NT5C1B: variants seen among roughly 807,000 people sequenced by gnomAD.
The protein encoded by NT5C1B is 5'-nucleotidase, cytosolic IB, also known as cytosolic 5'-nucleotidase 1B.
Under a neutral mutation model 57.8 loss-of-function variants are expected in NT5C1B, and 44 were observed. That is an observed-to-expected ratio of 0.76 (90% CI 0.60 to 0.98). The LOEUF (loss-of-function observed/expected upper bound fraction) is 0.98. Among genes scored for constraint, NT5C1B ranks in the 50% least tolerant of loss-of-function variants. NT5C1B has a pLI of 0.00. For missense variants in NT5C1B, 742 were observed against 719.5 expected, an observed-to-expected ratio of 1.03 and a Z score of -0.36; for synonymous variants, 284 against 282.6, an observed-to-expected ratio of 1.00 and a Z score of -0.05.
intron 5 of NT5C1B, among the ~76,000 whole-genome samples, 169 bp from the exon 6 acceptor site, chr2:18,583,166 CCT>C (rs1002332068): frequency 1.3e-5 from 2 of 152,136 alleles, no homozygotes; most frequent in African/African-American, 4.8e-5. Context: ...GTATTATCAA[CCT>C]CTCATTCATA....
chr2:18,578,384 A>G (rs1043691584), intron 6 of NT5C1B, among the ~76,000 whole-genome samples: 2 of 151,998 alleles, frequency 1.3e-5, no homozygotes, highest in African/African-American at 4.8e-5. Flanking sequence ...ATACTACCAA[A>G]CCCAATCCAG....
At chr2:18,583,102 A>G (rs1335657624) in intron 5 of NT5C1B, 105 bp from the exon 6 acceptor site, 2 of 1,417,228 alleles carry the variant, frequency 1.4e-6, no homozygotes, top group Non-Finnish European at 1.9e-6. Context: ...GCTCTGAAGA[A>G]TCTTCACTGA....
At chr2:18,563,016 G>A (rs1664307655) in exon 9 of NT5C1B, 2 of 151,090 alleles carry the variant, frequency 1.3e-5, no homozygotes, top group South Asian at 4.2e-4. Context: ...TGACAATGAA[G>A]GGCCAGGATA....
At chr2:18,579,501 C>T (rs1175465857) in intron 6 of NT5C1B, among the ~76,000 whole-genome samples, 2 of 152,200 alleles carry the variant, frequency 1.3e-5, no homozygotes, top group East Asian at 3.8e-4. Context: ...CTACAACCAT[C>T]TGATCTTCAA....
chr2:18,571,718 G>GTGTGTGTGTATATATATA (rs1246189018), intron 8 of NT5C1B, among the ~76,000 whole-genome samples: 2 of 111,444 alleles, frequency 1.8e-5, no homozygotes, highest in African/African-American at 6.4e-5. Flanking sequence ...CTGTGTGTGT[G>GTGTGTGTGTATATATATA]TATATATATA....
intron 8 of NT5C1B, among the ~76,000 whole-genome samples, chr2:18,575,904 C>G (rs2148126337): frequency 6.6e-6 from 1 of 152,204 alleles, no homozygotes; most frequent in East Asian, 1.9e-4. Context: ...CTGTTACTCC[C>G]AATTGGGAGA....
chr2:18,580,485 C>T (rs1458589172), intron 6 of NT5C1B, among the ~76,000 whole-genome samples: 1 of 152,076 alleles, frequency 6.6e-6, no homozygotes, highest in Non-Finnish European at 1.5e-5. Flanking sequence ...CGTGGTGGCA[C>T]ATGCCTGTAA....
At chr2:18,568,810 G>A (rs982665435) in intron 8 of NT5C1B, among the ~76,000 whole-genome samples, 11 of 152,082 alleles carry the variant, frequency 7.2e-5, no homozygotes, top group African/African-American at 2.4e-4. Context: ...TCCTACCTTT[G>A]CTTCAAGCTG....
At position 18,584,913 on chromosome 2, in the gene NT5C1B, C is replaced by T. The variant is rs1006716444; in HGVS notation, c.324G>A (p.Pro108=). ...GCGAGGGCTGCCCGGACAGCGGCGG[C>T]GGTGAGGAGTCATGCAGGCTTGGGG... The change falls in exon 4 of 9, where the codon CCG becomes CCA. Residue 108 remains proline (P), a synonymous_variant. Coordinates refer to ENST00000304081, the Ensembl canonical transcript of NT5C1B. The surrounding 1 kb of genome is among the most constrained non-coding windows in gnomAD (Gnocchi z 5.8). 1.3e-6 allele frequency: 2 copies of T among 1,550,124 alleles called. No individual in the cohort carries two copies. Among genetic ancestry groups the T allele is most frequent in the African/African-American group, 2.7e-5 (2 of 73,826 alleles).
At chr2:18,578,953 CA>C (rs761460434) in intron 6 of NT5C1B, among the ~76,000 whole-genome samples, 1 of 152,078 alleles carries the variant, frequency 6.6e-6, no homozygotes, top group African/African-American at 2.4e-5. Context: ...TTTCAGGATA[CA>C]AAATTAATAT....
intron 1 of NT5C1B, among the ~76,000 whole-genome samples, chr2:18,587,816 TGTTG>T (rs1666858370): frequency 6.6e-6 from 1 of 152,200 alleles, no homozygotes; most frequent in African/African-American, 2.4e-5. Context: ...TATAGAAATT[TGTTG>T]GTTCATAGAT....
intron 8 of NT5C1B, among the ~76,000 whole-genome samples, chr2:18,568,236 C>T (rs1343760177): frequency 1.3e-5 from 2 of 152,086 alleles, no homozygotes; most frequent in Admixed American, 1.3e-4. Context: ...TAACATTTGT[C>T]ATCAAAATCT....
chr2:18,582,093 T>G (rs1024321953), intron 6 of NT5C1B, among the ~76,000 whole-genome samples: 4 of 152,358 alleles, frequency 2.6e-5, no homozygotes, highest in Non-Finnish European at 5.9e-5. Context: ...CTATGTTAAA[T>G]TTTTATGTTC....
At chr2:18,579,818 G>A (rs534283144) in intron 6 of NT5C1B, among the ~76,000 whole-genome samples, 4 of 152,212 alleles carry the variant, frequency 2.6e-5, no homozygotes, top group Non-Finnish European at 5.9e-5. Context: ...CTTCTGCATA[G>A]CAAAAGAAAC....
chr2:18,573,988 A>G (rs955923051), intron 8 of NT5C1B, among the ~76,000 whole-genome samples: 2 of 152,198 alleles, frequency 1.3e-5, no homozygotes, highest in Non-Finnish European at 2.9e-5. Flanking sequence ...ACATAAAACT[A>G]GAAAGTTTCT....
exon 8 of NT5C1B, chr2:18,576,360 A>G: frequency 6.2e-7 from 1 of 1,612,306 alleles, no homozygotes; most frequent in Non-Finnish European, 8.5e-7. Flanking sequence ...ATTGTCGCAG[A>G]GGCAATACCT....
In NT5C1B at chr2:18,584,803, C is replaced by A; in HGVS notation, c.434G>T (p.Arg145Leu). 2 of 1,613,148 alleles carry A rather than the reference C, an allele frequency of 1.2e-6. No individual in the cohort carries two copies. The highest frequency in any genetic ancestry group is 1.7e-6 in the Non-Finnish European group (2 of 1,179,726). Residue 145 changes from arginine (R) to leucine (L), a missense_variant, in exon 4 of 9, where the codon CGC becomes CTC. By Grantham distance (102) the Arg-to-Leu change is moderately radical. Transcript: ENST00000304081. This position sits in a 1 kb window ranked among gnomAD's most constrained non-coding sequence, Gnocchi z 5.8. ...CGGATTCTCTTGCATTTTGGTGCTGCGCCGGGAGCCAGGATCGGGCTCTGG... is the reference window on the plus strand; with the variant it reads ...CGGATTCTCTTGCATTTTGGTGCTGAGCCGGGAGCCAGGATCGGGCTCTGG...
At chr2:18,588,636 C>T (rs1472475560) in intron 1 of NT5C1B, among the ~76,000 whole-genome samples, 1 of 152,150 alleles carries the variant, frequency 6.6e-6, no homozygotes, top group Non-Finnish European at 1.5e-5. Flanking sequence ...TCTCTATTAT[C>T]ATTGCCTTGT....
chr2:18,586,035 T>C (rs2148178948), intron 3 of NT5C1B, among the ~76,000 whole-genome samples: 1 of 152,282 alleles, frequency 6.6e-6, no homozygotes, highest in Non-Finnish European at 1.5e-5. Flanking sequence ...ATGCTAGCTC[T>C]ACCACTTATT....
Sources: allele counts gnomAD v4.1 joint callset (sites outside exome capture counted in the v4.1 genomes callset), GRCh38; gene constraint gnomAD v4.1.1; non-coding constraint Gnocchi (gnomAD v3.1); transcripts MANE v1.5; gene names NCBI Gene and HGNC (gene_info 2026-07-23, HGNC 2026-07-21).